MRM1: variants seen among roughly 807,000 people sequenced by gnomAD.
MRM1 encodes the protein rRNA methyltransferase 1, mitochondrial.
Under a neutral mutation model 25.0 loss-of-function variants are expected in MRM1, and 24 were observed. The ratio of observed to expected loss-of-function variants is 0.96; its 90% CI spans 0.69 to 1.35. The LOEUF (loss-of-function observed/expected upper bound fraction) is 1.35. MRM1 is among the 40% of genes most tolerant of loss of function. The pLI is 0.00. For missense variants in MRM1, 431 were observed against 464.1 expected (o/e 0.93, Z 0.65); for synonymous variants, 188 against 199.2 (o/e 0.94, Z 0.47).
chr17:36,627,635 A>G, the MRM1 span, among the ~76,000 whole-genome samples: 4 of 146,730 alleles, frequency 2.7e-5, no homozygotes, highest in Non-Finnish European at 5.9e-5. Context: ...AAGTTGTACA[A>G]TTGAGATTAT....
At chr17:36,632,246 A>G in the MRM1 span, among the ~76,000 whole-genome samples, 1 of 151,736 alleles carries the variant, frequency 6.6e-6, no homozygotes, top group Non-Finnish European at 1.5e-5. Flanking sequence ...CATCTCCCCA[A>G]CCAGCTGACT....
At chr17:36,605,525 A>G (rs1367855527) in intron 2 of MRM1, among the ~76,000 whole-genome samples, 1 of 150,492 alleles carries the variant, frequency 6.6e-6, no homozygotes, top group East Asian at 1.9e-4. Context: ...ATCTAGTCTC[A>G]TGGCTTTAAA....
At chr17:36,621,794 A>G in the MRM1 span, among the ~76,000 whole-genome samples, 1 of 152,014 alleles carries the variant, frequency 6.6e-6, no homozygotes, top group Non-Finnish European at 1.5e-5. Flanking sequence ...TTGGCCCTTC[A>G]ATGTGGCAAG....
the MRM1 span, among the ~76,000 whole-genome samples, chr17:36,616,168 C>A: frequency 1.3e-5 from 2 of 152,202 alleles, no homozygotes; most frequent in Admixed American, 6.5e-5. Flanking sequence ...ACCACAGGGC[C>A]AGGCACGTGC....
At chr17:36,629,662 G>A in the MRM1 span, among the ~76,000 whole-genome samples, 4 of 152,062 alleles carry the variant, frequency 2.6e-5, no homozygotes, top group East Asian at 1.9e-4. Flanking sequence ...TTCTTGGGTC[G>A]GGGCTGAAAG....
the MRM1 span, among the ~76,000 whole-genome samples, chr17:36,619,627 C>A: frequency 6.6e-6 from 1 of 151,656 alleles, no homozygotes; most frequent in Non-Finnish European, 1.5e-5. Flanking sequence ...AAGATCGCAC[C>A]ACTGCACTCT....
downstream of MRM1, among the ~76,000 whole-genome samples, chr17:36,610,286 G>T (rs1396028023): frequency 6.6e-6 from 1 of 151,222 alleles, no homozygotes; most frequent in African/African-American, 2.4e-5. Flanking sequence ...AGGCTGGAGT[G>T]CAGTGGCGCG....
chr17:36,611,885 G>A (rs1567850833), downstream of MRM1, among the ~76,000 whole-genome samples: 1 of 152,108 alleles, frequency 6.6e-6, no homozygotes, highest in Non-Finnish European at 1.5e-5. Flanking sequence ...GACTCACCCT[G>A]CACGTCTTGA....
downstream of MRM1, among the ~76,000 whole-genome samples, chr17:36,612,753 G>C (rs1447585882): frequency 6.6e-6 from 1 of 152,206 alleles, no homozygotes; most frequent in South Asian, 2.1e-4. Flanking sequence ...ATAAAATGGG[G>C]ATGACAGTGG....
the MRM1 span, among the ~76,000 whole-genome samples, chr17:36,633,574 AGAG>A: frequency 1.2e-4 from 18 of 151,068 alleles, no homozygotes; most frequent in Middle Eastern, 3.4e-3. Flanking sequence ...AAAGAGGAGA[AGAG>A]GAGGAGGAAG....
In MRM1 at chr17:36,608,031, C is replaced by T. The variant is rs538085135; in HGVS notation, c.889+13C>T. 51 of 1,613,102 alleles carry T rather than the reference C, an allele frequency of 3.2e-5. No homozygotes were observed. In the South Asian group the frequency reaches 5.1e-4, roughly 16 times the overall value. On this transcript the variant is annotated intron_variant, in intron 4 of 4. Transcript: ENST00000614766. ...TCTGTGGCTGCAGGTGAGTCTACTC[C>T]CCTTTCCCTTTCCTCTATCCCTCTA...
downstream of MRM1, among the ~76,000 whole-genome samples, chr17:36,612,345 T>C (rs952002529): frequency 6.6e-6 from 1 of 152,164 alleles, no homozygotes; most frequent in Non-Finnish European, 1.5e-5. Flanking sequence ...TTACAGGCCA[T>C]ACACACACAG....
the MRM1 span, among the ~76,000 whole-genome samples, chr17:36,619,904 C>T: frequency 1.2e-4 from 19 of 152,176 alleles, no homozygotes; most frequent in Non-Finnish European, 2.4e-4. Context: ...GGATGCGAGG[C>T]GGCATCTCCT....
intron 2 of MRM1, among the ~76,000 whole-genome samples, chr17:36,603,500 C>T (rs2074901126): frequency 6.6e-6 from 1 of 151,980 alleles, no homozygotes; most frequent in Admixed American, 6.6e-5. Context: ...CTCCTGGGTT[C>T]AAGTGATTCT....
chr17:36,616,274 C>T, the MRM1 span, among the ~76,000 whole-genome samples: 3 of 152,194 alleles, frequency 2.0e-5, no homozygotes, highest in Admixed American at 1.3e-4. Flanking sequence ...GCTGGAGGGG[C>T]AGATCCCTGA....
Position 36,602,426 on chromosome 17 carries a change from G to A in MRM1, c.542+74G>A, listed in dbSNP as rs1255808022. The A allele has an allele frequency of 1.3e-5, 20 of 1,564,470 alleles. No homozygotes were observed. Among genetic ancestry groups the A allele is most frequent in the Non-Finnish European group, 1.7e-5 (20 of 1,152,158 alleles). On this transcript the variant is annotated intron_variant, in intron 1 of 4. Coordinates refer to ENST00000614766, the MANE Select transcript of MRM1 (RefSeq NM_024864.5). This position sits in a 1 kb window ranked among gnomAD's most constrained non-coding sequence, Gnocchi z 4.1. The stretch of plus-strand genomic sequence containing the variant: ...GAGTTCCTAAGCACCTTGGCCCTTG[G>A]GTGATCCCTTAGCCAGACTTACCTG...
downstream of MRM1, among the ~76,000 whole-genome samples, chr17:36,612,898 G>C (rs1349254180): frequency 6.6e-6 from 1 of 152,174 alleles, no homozygotes; most frequent in Non-Finnish European, 1.5e-5. Flanking sequence ...GTGCTGGGTT[G>C]TGCTTCCCAA....
At chr17:36,611,343 C>T (rs2074975656), downstream of MRM1, among the ~76,000 whole-genome samples, 1 of 152,190 alleles carries the variant, frequency 6.6e-6, no homozygotes, top group South Asian at 2.1e-4. Context: ...GCTTCTCAGC[C>T]TCCTCATCTT....
In MRM1 at chr17:36,602,534, G is replaced by A; in HGVS notation, c.543-19G>A. On this transcript the variant is annotated intron_variant, in intron 1 of 4. Transcript: ENST00000614766. This position sits in a 1 kb window ranked among gnomAD's most constrained non-coding sequence, Gnocchi z 4.1. ...TTGAGATGGCCCAGCCTAATGCGGG[G>A]AACGGGGAAACCTTGCAGCTGCCCG... 6.2e-7 allele frequency: 1 copy of A among 1,614,180 alleles called. No individual in the cohort carries two copies. Among genetic ancestry groups the A allele is most frequent in the Non-Finnish European group, 8.5e-7 (1 of 1,180,012 alleles).
Sources: gnomAD v4.1 joint callset for allele counts (sites outside exome capture counted in the v4.1 genomes callset) on GRCh38, gnomAD v4.1.1 for gene constraint, Gnocchi (gnomAD v3.1) non-coding constraint, MANE v1.5 for transcripts, NCBI Gene and HGNC (gene_info 2026-07-23, HGNC 2026-07-21) for gene names.